NXN: variants seen among roughly 807,000 people sequenced by gnomAD.
NXN encodes the protein nucleoredoxin.
Under a neutral mutation model 48.6 loss-of-function variants are expected in NXN, and 16 were observed. The ratio of observed to expected loss-of-function variants is 0.33; its 90% CI spans 0.22 to 0.50. The LOEUF (loss-of-function observed/expected upper bound fraction) is 0.50. NXN is among the 20% of genes least tolerant of loss of function. The pLI is 0.98. For synonymous variants in NXN, 281 were observed against 269.6 expected (o/e 1.04, Z -0.41); for missense variants, 492 against 605.5 (o/e 0.81, Z 1.97).
chr17:841,531 ATGGAG>A (rs1914259789), intron 1 of NXN, among the ~76,000 whole-genome samples: 8 of 63,604 alleles, frequency 1.3e-4, no homozygotes, highest in South Asian at 5.6e-4. Flanking sequence ...CCCCCCGACC[ATGGAG>A]CATCTCACGC....
intron 1 of NXN, among the ~76,000 whole-genome samples, chr17:967,464 G>A (rs2150635900): frequency 6.6e-6 from 1 of 152,304 alleles, no homozygotes; most frequent in African/African-American, 2.4e-5. Context: ...TCACCCACAG[G>A]AAACTCAGAC....
chr17:881,355 C>G (rs1242215501), intron 1 of NXN, among the ~76,000 whole-genome samples: 2 of 152,184 alleles, frequency 1.3e-5, no homozygotes, highest in African/African-American at 4.8e-5. Context: ...GATCCTCCAG[C>G]TTCCCGGGTA....
chr17:826,553 C>T (rs528170212), intron 1 of NXN, among the ~76,000 whole-genome samples: 2 of 152,344 alleles, frequency 1.3e-5, no homozygotes, highest in South Asian at 2.1e-4. Context: ...AAGGTTTTCA[C>T]GAGAGCCTCG....
At chr17:908,177 G>C (rs2068598750) in intron 1 of NXN, 1 of 152,142 alleles carries the variant, frequency 6.6e-6, no homozygotes, top group South Asian at 2.1e-4. Context: ...AGCTATAAAG[G>C]AAGAACAATT....
chr17:811,983 A>C (rs1159486923), intron 5 of NXN, among the ~76,000 whole-genome samples: 1 of 126,296 alleles, frequency 7.9e-6, no homozygotes, highest in Admixed American at 1.1e-4. Flanking sequence ...GCTGGAGTGC[A>C]GTGGCAAGAT....
intron 1 of NXN, chr17:911,305 AAC>A (rs909515244): frequency 1.3e-5 from 2 of 150,870 alleles, no homozygotes; most frequent in African/African-American, 4.9e-5. Flanking sequence ...TCTAGCCAGG[AAC>A]AGTCTGTTTC....
At chr17:895,749 C>T (rs576440612) in intron 1 of NXN, among the ~76,000 whole-genome samples, 24 of 141,986 alleles carry the variant, frequency 1.7e-4, no homozygotes, top group Non-Finnish European at 2.9e-4. Flanking sequence ...ACCTGAGAGG[C>T]GGAGCTTGCA....
intron 1 of NXN, among the ~76,000 whole-genome samples, chr17:967,247 C>T (rs1191474394): frequency 1.3e-5 from 2 of 152,158 alleles, no homozygotes; most frequent in Admixed American, 6.6e-5. Context: ...GGATCAAGGG[C>T]GACCATGCCG....
chr17:931,702 G>A (rs1373573240), intron 1 of NXN, among the ~76,000 whole-genome samples: 3 of 151,532 alleles, frequency 2.0e-5, no homozygotes, highest in South Asian at 4.2e-4. Context: ...GGGCGTGGTG[G>A]CAGGCGCCTG....
chr17:950,173 G>A (rs564039216), intron 1 of NXN, among the ~76,000 whole-genome samples: 7 of 152,294 alleles, frequency 4.6e-5, no homozygotes, highest in African/African-American at 9.6e-5. Flanking sequence ...TAGAAAAAGA[G>A]CAGGAGAAGG....
chr17:823,708 A>C lies in NXN; in HGVS notation c.536T>G (p.Leu179Arg). The C allele has an allele frequency of 6.2e-7, 1 of 1,614,174 alleles. No homozygotes were observed. Among genetic ancestry groups the C allele is most frequent in the Non-Finnish European group, 8.5e-7 (1 of 1,180,038 alleles). Reference sequence around the variant, plus strand: ...CTCCAGAGACTGCCCATTGTTTCTAAGCAAGGGCCCTGCAATGACTTCCCT... The same window carrying C: ...CTCCAGAGACTGCCCATTGTTTCTACGCAAGGGCCCTGCAATGACTTCCCT... ...PFREVIAGPL[L>R]RNNGQSLESS... Residue 179 changes from leucine to arginine, a missense_variant, in exon 3 of 8, where the codon CTT becomes CGT. Around this residue, in one of 3 missense-constraint regions of NXN, gnomAD observed 303 missense variants for 388.3 expected, o/e 0.78. Coordinates refer to ENST00000336868, the MANE Select transcript of NXN (RefSeq NM_022463.5).
intron 5 of NXN, among the ~76,000 whole-genome samples, chr17:805,846 T>TAAAG (rs765289535): frequency 1.3e-4 from 20 of 151,782 alleles, no homozygotes; most frequent in Non-Finnish European, 2.5e-4. Context: ...TCTAAACAAA[T>TAAAG]AAATAAATAA....
chr17:904,471 A>G (rs2068565587), intron 1 of NXN, among the ~76,000 whole-genome samples: 1 of 152,080 alleles, frequency 6.6e-6, no homozygotes, highest in Admixed American at 6.6e-5. Context: ...GATTTTCAGC[A>G]TTTTTCCCCT....
chr17:808,799 C>T (rs1331514168), intron 5 of NXN, among the ~76,000 whole-genome samples: 3 of 151,244 alleles, frequency 2.0e-5, no homozygotes, highest in Non-Finnish European at 4.4e-5. Context: ...TTCAGCTTCC[C>T]CAGTAGCTGG....
intron 5 of NXN, among the ~76,000 whole-genome samples, chr17:818,426 T>C (rs1280473392): frequency 6.6e-6 from 1 of 152,012 alleles, no homozygotes; most frequent in African/African-American, 2.4e-5. Flanking sequence ...AACAATTCTC[T>C]GTGGCAAAGC....
chr17:936,968 T>C (rs1469415612), intron 1 of NXN, among the ~76,000 whole-genome samples: 2 of 151,904 alleles, frequency 1.3e-5, no homozygotes, highest in African/African-American at 4.8e-5. Flanking sequence ...TTTGGGAGGC[T>C]GAGGTGGGAG....
chr17:977,601 T>C (rs905625584), intron 1 of NXN, among the ~76,000 whole-genome samples: 2 of 152,262 alleles, frequency 1.3e-5, no homozygotes, highest in African/African-American at 4.8e-5. Context: ...CAATAGGCTG[T>C]TAAGCCTGTA....
intron 1 of NXN, among the ~76,000 whole-genome samples, chr17:901,778 C>A (rs1417364834): frequency 1.3e-5 from 2 of 152,162 alleles, no homozygotes; most frequent in African/African-American, 2.4e-5. Flanking sequence ...CAGCTCACTG[C>A]AACCTCTGCC....
At chr17:911,551 G>A (rs1393269921) in intron 1 of NXN, among the ~76,000 whole-genome samples, 1 of 151,700 alleles carries the variant, frequency 6.6e-6, no homozygotes, top group Non-Finnish European at 1.5e-5. Context: ...GGATGGTCTC[G>A]ATCTCCTGAC....
Sources: allele counts gnomAD v4.1 joint callset (sites outside exome capture counted in the v4.1 genomes callset), GRCh38; gene constraint gnomAD v4.1.1; regional missense constraint gnomAD v4.1.1; transcripts MANE v1.5; gene names NCBI Gene and HGNC (gene_info 2026-07-23, HGNC 2026-07-21).